The following MYBL2 variants were observed in gnomAD, a reference collection of about 807,000 sequenced individuals.
MYBL2 encodes the protein MYB proto-oncogene like 2.
In MYBL2, 28 loss-of-function variants were observed where a neutral mutation model predicts 79.9. The observed-to-expected ratio is 0.35, with a 90% confidence interval of 0.26 to 0.48. The LOEUF (loss-of-function observed/expected upper bound fraction) is 0.48. Among genes scored for constraint, MYBL2 ranks in the 20% least tolerant of loss-of-function variants. MYBL2 has a pLI of 0.99. For missense variants in MYBL2, 735 were observed against 893.9 expected, an observed-to-expected ratio of 0.82 and a Z score of 2.27; for synonymous variants, 378 against 361.2, an observed-to-expected ratio of 1.05 and a Z score of -0.53.
intron 8 of MYBL2, among the ~76,000 whole-genome samples, chr20:43,703,765 A>G (rs1339120466): frequency 2.6e-5 from 4 of 152,064 alleles, no homozygotes; most frequent in Admixed American, 6.6e-5. Context: ...GGCTAGTGGC[A>G]TTTTGAGAGA....
chr20:43,696,541 C>G (rs1158728844), intron 6 of MYBL2, among the ~76,000 whole-genome samples: 2 of 152,300 alleles, frequency 1.3e-5, no homozygotes, highest in African/African-American at 2.4e-5. Context: ...CGATGTCTTA[C>G]TCTTTTACAA....
At chr20:43,704,473 G>A (rs1022240233) in intron 8 of MYBL2, among the ~76,000 whole-genome samples, 1 of 152,324 alleles carries the variant, frequency 6.6e-6, no homozygotes, top group Middle Eastern at 3.4e-3. Flanking sequence ...AAGGCAGCGG[G>A]TCCCTCAGCT....
intron 8 of MYBL2, 111 bp downstream of exon 8, chr20:43,703,014 G>T (rs1209349753): frequency 2.4e-6 from 3 of 1,228,194 alleles, no homozygotes; most frequent in African/African-American, 1.5e-5. Flanking sequence ...TGCAGCTTAT[G>T]CTCTGGTAGG....
Position 43,702,726 on chromosome 20 carries a change from T to A in MYBL2, c.1188T>A (p.Thr396=). The A allele has an allele frequency of 6.2e-7, 1 of 1,614,066 alleles. No homozygotes were observed. ...RGELIPISPS[T]EVGGSGIGTP... ...AGCTGATCCCCATCTCCCCCAGCACTGAAGTCGGGGGCTCTGGCATTGGCA... is the reference window on the plus strand; with the variant it reads ...AGCTGATCCCCATCTCCCCCAGCACAGAAGTCGGGGGCTCTGGCATTGGCA... Residue 396 remains threonine (T), a synonymous_variant, in exon 8 of 14, where the codon ACT becomes ACA. Coordinates refer to ENST00000217026, the MANE Select transcript of MYBL2 (RefSeq NM_002466.4).
chr20:43,698,724 A>G (rs1987616016), intron 6 of MYBL2, among the ~76,000 whole-genome samples: 1 of 140,088 alleles, frequency 7.1e-6, no homozygotes. Flanking sequence ...ACTGTAGTGC[A>G]GTGGCGTGAT....
Position 43,713,060 on chromosome 20 carries a change from A to G in MYBL2, c.1778A>G (p.Glu593Gly). ...RKSLALDIVD[E>G]DVKLMMSTLP... ...TCTCTGGCTCTTGACATTGTGGATG[A>G]GGATGTGAAGCTGATGATGTCCACA... is the stretch of plus-strand genomic sequence containing the variant. The change falls in exon 12 of 14, where the codon GAG becomes GGG. Residue 593 changes from glutamate (E) to glycine (G), a missense_variant. By Grantham distance (98) the Glu-to-Gly change is moderately conservative. Coordinates refer to ENST00000217026, the MANE Select transcript of MYBL2 (RefSeq NM_002466.4). The G allele has an allele frequency of 1.2e-6, 2 of 1,613,438 alleles. No homozygotes were observed. Among genetic ancestry groups the G allele is most frequent in the Non-Finnish European group, 1.7e-6 (2 of 1,179,772 alleles).
intron 2 of MYBL2, among the ~76,000 whole-genome samples, chr20:43,680,931 C>T (rs1165990940): frequency 1.3e-5 from 2 of 152,162 alleles, no homozygotes; most frequent in African/African-American, 4.8e-5. Flanking sequence ...CAAGACATTC[C>T]TTGCCCCCCT....
chr20:43,676,755 C>T (rs1024460476), intron 2 of MYBL2, among the ~76,000 whole-genome samples: 6 of 152,076 alleles, frequency 3.9e-5, no homozygotes, highest in Non-Finnish European at 5.9e-5. Flanking sequence ...CCATTTTAGA[C>T]TTCTACTGGC....
intron 2 of MYBL2, among the ~76,000 whole-genome samples, chr20:43,675,760 T>TG (rs1195407448): frequency 1.3e-5 from 1 of 76,756 alleles, no homozygotes; most frequent in East Asian, 3.9e-4. Flanking sequence ...TTTTGGGGGC[T>TG]TTGTGTGTGT....
intron 2 of MYBL2, among the ~76,000 whole-genome samples, chr20:43,677,340 C>T (rs1217418939): frequency 6.6e-6 from 1 of 152,114 alleles, no homozygotes; most frequent in Non-Finnish European, 1.5e-5. Context: ...GCTCTGGGCA[C>T]CTGCTAATTG....
chr20:43,694,331 CA>C (rs1478904569), intron 6 of MYBL2, among the ~76,000 whole-genome samples: 10 of 151,082 alleles, frequency 6.6e-5, no homozygotes. Flanking sequence ...GACTCTGTCA[CA>C]AAAAAATAAA....
At chr20:43,696,223 G>T (rs941426616) in intron 6 of MYBL2, among the ~76,000 whole-genome samples, 2 of 151,818 alleles carry the variant, frequency 1.3e-5, no homozygotes, top group East Asian at 1.9e-4. Context: ...AATGCAGAAG[G>T]TTGAGCCTGC....
At chr20:43,674,968 G>A (rs1600542012) in intron 2 of MYBL2, among the ~76,000 whole-genome samples, 1 of 152,092 alleles carries the variant, frequency 6.6e-6, no homozygotes, top group African/African-American at 2.4e-5. Context: ...GTAATCATAT[G>A]CAATCAAATG....
intron 6 of MYBL2, among the ~76,000 whole-genome samples, chr20:43,698,671 T>C (rs985747087): frequency 1.3e-5 from 2 of 149,962 alleles, no homozygotes; most frequent in African/African-American, 4.9e-5. Context: ...ATTTTTTTTT[T>C]TTTTTTTTTT....
intron 9 of MYBL2, among the ~76,000 whole-genome samples, chr20:43,706,445 A>G (rs906281056): frequency 2.0e-5 from 3 of 152,136 alleles, no homozygotes; most frequent in African/African-American, 4.8e-5. Flanking sequence ...TTGCTTAACT[A>G]TTCCTCTGCT....
chr20:43,692,716 T>C (rs1317072822), intron 6 of MYBL2, among the ~76,000 whole-genome samples: 1 of 152,144 alleles, frequency 6.6e-6, no homozygotes, highest in Non-Finnish European at 1.5e-5. Flanking sequence ...GGCGGATTGC[T>C]CAAGCCCAGG....
Position 43,702,569 on chromosome 20 carries a change from T to C in MYBL2, c.1031T>C (p.Leu344Pro), listed in dbSNP as rs1177052419. The change falls in exon 8 of 14, where the codon CTA (leucine) becomes CCA (proline). Residue 344 changes from leucine to proline, a missense_variant. Leu to Pro is a moderately conservative substitution (Grantham distance 98). Transcript: ENST00000217026. ...GCAGAGGACAGTATCAACAACAGCC[T>C]AGTGCAGCTGCAAGCGTCACATCAG... is the stretch of plus-strand genomic sequence containing the variant. ...PSAEDSINNS[L>P]VQLQASHQQQ... 10 of 1,614,094 alleles carry C rather than the reference T, an allele frequency of 6.2e-6. No homozygotes were observed. The Admixed American group carries it at 1.3e-4, about 22-fold the overall frequency.
chr20:43,698,523 G>A (rs1987609159), intron 6 of MYBL2, among the ~76,000 whole-genome samples: 2 of 150,534 alleles, frequency 1.3e-5, no homozygotes, highest in Non-Finnish European at 3.0e-5. Flanking sequence ...AACTACAGGC[G>A]CCTGCCACCA....
chr20:43,704,088 A>G (rs1987729026), intron 8 of MYBL2, among the ~76,000 whole-genome samples: 1 of 152,114 alleles, frequency 6.6e-6, no homozygotes, highest in African/African-American at 2.4e-5. Context: ...ATCACAGCTC[A>G]CTGCAATCTC....
Sources: gnomAD v4.1 joint callset for allele counts (sites outside exome capture counted in the v4.1 genomes callset) on GRCh38, gnomAD v4.1.1 for gene constraint, MANE v1.5 for transcripts, NCBI Gene and HGNC (gene_info 2026-07-23, HGNC 2026-07-21) for gene names.